VAV1: variants seen among roughly 807,000 people sequenced by gnomAD.
VAV1 encodes the protein vav guanine nucleotide exchange factor 1.
In VAV1, 33 loss-of-function variants were observed where a neutral mutation model predicts 128.1. The ratio of observed to expected loss-of-function variants is 0.26; its 90% CI spans 0.20 to 0.34. The LOEUF (loss-of-function observed/expected upper bound fraction) is 0.34. Among genes scored for constraint, VAV1 ranks in the 10% least tolerant of loss-of-function variants. The pLI, the probability that VAV1 is intolerant of heterozygous loss-of-function variation, is 1.00. For synonymous variants in VAV1, 394 were observed against 409.8 expected, an observed-to-expected ratio of 0.96 and a Z score of 0.47; for missense variants, 715 against 1,093.7, an observed-to-expected ratio of 0.65 and a Z score of 4.88.
At chr19:6,799,622 C>A (rs1164463389) in intron 1 of VAV1, among the ~76,000 whole-genome samples, 1 of 152,018 alleles carries the variant, frequency 6.6e-6, no homozygotes, top group Non-Finnish European at 1.5e-5. Context: ...CCCCGACAGG[C>A]CCCAGTGTGT....
At chr19:6,817,977 C>T (rs911932648) in intron 1 of VAV1, among the ~76,000 whole-genome samples, 4 of 152,294 alleles carry the variant, frequency 2.6e-5, no homozygotes, top group South Asian at 2.1e-4. Flanking sequence ...TGAGCCACCA[C>T]GCCCAGCCTT....
Position 6,828,511 on chromosome 19 carries a change from G to C in VAV1, c.1092+24G>C, listed in dbSNP as rs1971973727. The C allele has an allele frequency of 6.2e-7, 1 of 1,614,004 alleles. No individual in the cohort carries two copies. The highest frequency in any genetic ancestry group is 1.3e-5 in the African/African-American group (1 of 74,928). ...GGGTGAGTGGGTGTAGGGTGCTGGT[G>C]ACTCACCTGCTGCAGACACCCTCCT... On this transcript the variant is annotated intron_variant, in intron 11 of 26. Transcript: ENST00000602142. This position sits in a 1 kb window ranked among gnomAD's most constrained non-coding sequence, Gnocchi z 4.5.
At chr19:6,838,167 A>T (rs573178871) in intron 21 of VAV1, among the ~76,000 whole-genome samples, 3 of 149,994 alleles carry the variant, frequency 2.0e-5, no homozygotes, top group African/African-American at 7.3e-5. Flanking sequence ...TATATCATCT[A>T]TCTATTTACC....
At chr19:6,824,574 C>T (rs1971870603) in intron 6 of VAV1, among the ~76,000 whole-genome samples, 1 of 152,068 alleles carries the variant, frequency 6.6e-6, no homozygotes, top group Non-Finnish European at 1.5e-5. Flanking sequence ...CTCTGTCACC[C>T]AGGCTGGAGT....
At chr19:6,795,846 G>T (rs960042797) in intron 1 of VAV1, among the ~76,000 whole-genome samples, 3 of 152,170 alleles carry the variant, frequency 2.0e-5, no homozygotes, top group Non-Finnish European at 4.4e-5. Flanking sequence ...ACCGCGCCCA[G>T]CTAATTTTTG....
At chr19:6,785,584 A>G (rs1188950882) in intron 1 of VAV1, among the ~76,000 whole-genome samples, 2 of 151,494 alleles carry the variant, frequency 1.3e-5, no homozygotes, top group Non-Finnish European at 2.9e-5. Context: ...TGCCCGCCTC[A>G]GCCTTTCAAA....
chr19:6,786,298 C>T (rs1392527644), intron 1 of VAV1, among the ~76,000 whole-genome samples: 1 of 151,976 alleles, frequency 6.6e-6, no homozygotes, highest in Non-Finnish European at 1.5e-5. Context: ...CTCATGGGCC[C>T]AAGCTGCCTC....
intron 1 of VAV1, among the ~76,000 whole-genome samples, chr19:6,782,777 G>C (rs1599617628): frequency 6.6e-6 from 1 of 152,024 alleles, no homozygotes; most frequent in Non-Finnish European, 1.5e-5. Context: ...GGCTACCTAG[G>C]ACGCTGAGGC....
At chr19:6,784,539 G>C (rs1265478487) in intron 1 of VAV1, among the ~76,000 whole-genome samples, 1 of 150,782 alleles carries the variant, frequency 6.6e-6, no homozygotes, top group Non-Finnish European at 1.5e-5. Flanking sequence ...TCTCTCCCAG[G>C]CTGGAGTGCA....
intron 20 of VAV1, 113 bp downstream of exon 20, chr19:6,836,681 G>T: frequency 6.7e-7 from 1 of 1,481,880 alleles, no homozygotes; most frequent in Non-Finnish European, 9.1e-7. Context: ...GGTGATGCCT[G>T]GGGAGTGGGG....
At chr19:6,833,679 C>T in intron 17 of VAV1, 32 bp from the exon 18 acceptor site, 1 of 1,614,100 alleles carries the variant, frequency 6.2e-7, no homozygotes. Context: ...GGAGGATTTC[C>T]CGTTCTCACC....
intron 21 of VAV1, 64 bp from the exon 22 acceptor site, chr19:6,843,071 C>T (rs1341258721): frequency 1.3e-6 from 2 of 1,531,418 alleles, no homozygotes; most frequent in African/African-American, 2.7e-5. Flanking sequence ...GAATGAAGTG[C>T]CCTGCCCTCT....
chr19:6,779,358 A>G (rs1182168914), intron 1 of VAV1, among the ~76,000 whole-genome samples: 1 of 150,688 alleles, frequency 6.6e-6, no homozygotes, highest in Non-Finnish European at 1.5e-5. Flanking sequence ...CGGCCAGAAT[A>G]GAGGTTCTTA....
Position 6,853,049 on chromosome 19 carries a change from C to G in VAV1, c.2302C>G (p.Pro768Ala), listed in dbSNP as rs767854229. 6.2e-7 allele frequency: 1 copy of G among 1,611,424 alleles called. No individual in the cohort carries two copies. The highest frequency in any genetic ancestry group is 1.7e-5 in the Admixed American group (1 of 59,940). ...CACCTTGCAGTTCCCCTTCAAGGAG[C>G]CTGAAAAGAGAACCATCAGCAGGCC... ...DTTLQFPFKE[P>A]EKRTISRPAV... The change falls in exon 25 of 27, where the codon CCT (proline) becomes GCT (alanine). Residue 768 changes from proline to alanine, a missense_variant. Physicochemically the swap from Pro to Ala is conservative, Grantham distance 27 (BLOSUM62 -1). Transcript: ENST00000602142.
chr19:6,818,949 C>G lies in VAV1; in HGVS notation c.205-1753C>G, dbSNP rs551773613. 6.6e-5 allele frequency among the ~76,000 whole-genome samples: 10 copies of G among 152,220 alleles called. 1 individual carries two copies. Among genetic ancestry groups the G allele is most frequent in the Admixed American group, 4.6e-4 (7 of 15,274 alleles). ...TGACCAACATGGTGAAACCTCATCTCTACTAAAAATACAAAAATAAGCTGG... is the reference window on the plus strand; with the variant it reads ...TGACCAACATGGTGAAACCTCATCTGTACTAAAAATACAAAAATAAGCTGG... On this transcript the variant is annotated intron_variant, in intron 1 of 26. Coordinates refer to ENST00000602142, the MANE Select transcript of VAV1 (RefSeq NM_005428.4).
intron 21 of VAV1, 85 bp downstream of exon 21, chr19:6,837,135 C>A: frequency 7.0e-7 from 1 of 1,428,388 alleles, no homozygotes; most frequent in South Asian, 1.2e-5. Context: ...AAGACACCCC[C>A]GGAGTTGGGG....
At chr19:6,788,515 G>A (rs957611980) in intron 1 of VAV1, among the ~76,000 whole-genome samples, 7 of 151,940 alleles carry the variant, frequency 4.6e-5, no homozygotes, top group African/African-American at 1.7e-4. Context: ...TGGGATTACA[G>A]ACAGGTAGGT....
At chr19:6,821,037 C>T (rs1568302901) in intron 2 of VAV1, among the ~76,000 whole-genome samples, 1 of 152,166 alleles carries the variant, frequency 6.6e-6, no homozygotes, top group South Asian at 2.1e-4. Context: ...CCTCTCTGAG[C>T]CCCTCGTTTC....
chr19:6,838,303 C>T (rs1323110321), intron 21 of VAV1, among the ~76,000 whole-genome samples: 1 of 134,338 alleles, frequency 7.4e-6, no homozygotes, highest in East Asian at 2.1e-4. Flanking sequence ...TATTATCTAT[C>T]TATCTATCTA....
Sources: gnomAD v4.1 joint callset for allele counts (sites outside exome capture counted in the v4.1 genomes callset) on GRCh38, gnomAD v4.1.1 for gene constraint, Gnocchi (gnomAD v3.1) non-coding constraint, MANE v1.5 for transcripts, NCBI Gene and HGNC (gene_info 2026-07-23, HGNC 2026-07-21) for gene names.